Variants in TNFRSF8 observed in about 807,000 individuals in gnomAD.
TNFRSF8 encodes TNF receptor superfamily member 8, also known as tumor necrosis factor receptor superfamily member 8.
A neutral mutation model predicts 70.8 loss-of-function variants in TNFRSF8; 26 were observed. The ratio of observed to expected loss-of-function variants is 0.37; its 90% confidence interval spans 0.27 to 0.51. The LOEUF (loss-of-function observed/expected upper bound fraction) is 0.51, where lower values mean the gene tolerates loss of function less well. Among genes scored for constraint, TNFRSF8 ranks in the 20% least tolerant of loss-of-function variants. The probability of loss-of-function intolerance (pLI) is 0.94; values close to 1 mark genes in which losing one functional copy is unlikely to be tolerated. For synonymous variants in TNFRSF8, 356 were observed against 339.2 expected (o/e 1.05, Z -0.54); for missense variants, 720 against 807.9 (o/e 0.89, Z 1.32).
At chr1:12,126,878 C>T (rs1283812696) in intron 12 of TNFRSF8, among the ~76,000 whole-genome samples, 3 of 152,216 alleles carry the variant, frequency 2.0e-5, no homozygotes, top group Admixed American at 6.5e-5. Context: ...TGCCTGCAAT[C>T]GGTGGCTGCT....
intron 14 of TNFRSF8, among the ~76,000 whole-genome samples, chr1:12,139,628 T>C (rs1642217904): frequency 6.6e-6 from 1 of 152,228 alleles, no homozygotes; most frequent in Non-Finnish European, 1.5e-5. Flanking sequence ...CTCTGTCGCT[T>C]CTGGAAGGGT....
At chr1:12,100,560 T>C (rs1224310499) in intron 3 of TNFRSF8, among the ~76,000 whole-genome samples, 1 of 152,100 alleles carries the variant, frequency 6.6e-6, no homozygotes, top group Non-Finnish European at 1.5e-5. Flanking sequence ...ATTATTTTAT[T>C]ATTTTTAACA....
chr1:12,065,167 C>A (rs140067546), intron 1 of TNFRSF8, among the ~76,000 whole-genome samples: 1,792 of 148,126 alleles, frequency 0.012, 33 homozygotes, highest in African/African-American at 0.043. Flanking sequence ...ACTGCAACCT[C>A]TGCCTCCCGG....
intron 2 of TNFRSF8, among the ~76,000 whole-genome samples, chr1:12,093,607 G>A (rs943498169): frequency 6.6e-6 from 1 of 151,902 alleles, no homozygotes; most frequent in African/African-American, 2.4e-5. Flanking sequence ...GTGGCGCTAT[G>A]CCCGCTCACT....
chr1:12,123,572 C>A, intron 9 of TNFRSF8, 143 bp from the exon 10 acceptor site: 3 of 923,270 alleles, frequency 3.2e-6, no homozygotes, highest in Non-Finnish European at 4.9e-6. Context: ...TCCCTGCCCT[C>A]AAAATGCCTG....
chr1:12,081,533 G>A, intron 1 of TNFRSF8, among the ~76,000 whole-genome samples: 1 of 151,972 alleles, frequency 6.6e-6, no homozygotes, highest in East Asian at 1.9e-4. Flanking sequence ...GGAGGAGGGT[G>A]TCCTCAAGGC....
At chr1:12,080,363 A>G (rs574535787) in intron 1 of TNFRSF8, 4 of 524,486 alleles carry the variant, frequency 7.6e-6, no homozygotes, top group African/African-American at 3.8e-5. Context: ...GGCCACATCC[A>G]TGCCATAGAG....
intron 12 of TNFRSF8, among the ~76,000 whole-genome samples, chr1:12,130,336 G>A (rs1169228320): frequency 1.3e-5 from 2 of 152,216 alleles, no homozygotes; most frequent in African/African-American, 2.4e-5. Context: ...CCCAGATGAG[G>A]TCAGGGAGAG....
rs1047227178 is a variant in TNFRSF8, at chr1:12,142,169, C to T, written c.1544-118C>T. 2 of 1,385,996 alleles carry T rather than the reference C, an allele frequency of 1.4e-6. No homozygotes were observed. Among genetic ancestry groups the T allele is most frequent in the Middle Eastern group, 1.9e-4 (1 of 5,360 alleles). The allele number at this position is 1,385,996 out of a possible 1,614,324, so 85.9% of individuals were successfully genotyped here. A position where few individuals can be genotyped will look rare whatever the true frequency, so the allele number is the denominator to read the frequency against. On this transcript the variant is annotated intron_variant, in intron 14 of 14. Transcript: ENST00000263932. This position sits in a 1 kb window ranked among gnomAD's most constrained non-coding sequence, Gnocchi z 5.0. The stretch of plus-strand genomic sequence containing the variant: ...AGGTACATCAGAGAGGCTGTGCCAT[C>T]AGCCTGAAGCCACCCGGCAGGTGTA...
Position 12,133,644 on chromosome 1 carries a change from G to T in TNFRSF8, c.1310-1944G>T, listed in dbSNP as rs374928899. Among the ~76,000 whole-genome samples, 13 of 151,278 alleles carry T rather than the reference G, an allele frequency of 8.6e-5. 2 individuals are homozygous for T. The highest frequency in any genetic ancestry group is 6.6e-5 in the Admixed American group (1 of 15,198). ...AATCCCAGCTACTCGGGAGGCTGAGGCAGGAGAATCGCTTGAACCCAGGAG... is the reference window on the plus strand; with the variant it reads ...AATCCCAGCTACTCGGGAGGCTGAGTCAGGAGAATCGCTTGAACCCAGGAG... On this transcript the variant is annotated intron_variant, in intron 12 of 14. Transcript: ENST00000263932.
intron 2 of TNFRSF8, among the ~76,000 whole-genome samples, chr1:12,089,944 A>G (rs1641218518): frequency 6.7e-6 from 1 of 150,360 alleles, no homozygotes; most frequent in East Asian, 2.0e-4. Flanking sequence ...CCATCCATCC[A>G]TCTACCCATC....
Position 12,142,824 on chromosome 1 carries a change from T to G in TNFRSF8, c.*293T>G. The stretch of plus-strand genomic sequence containing the variant: ...TTGAGGCAGCAAACAGATGGCAGGA[T>G]GGGCACTGCCGAGAACAGCATTGGT... On this transcript the variant is annotated 3_prime_UTR_variant, in exon 15 of 15. Transcript: ENST00000263932. The surrounding 1 kb of genome is among the most constrained non-coding windows in gnomAD (Gnocchi z 5.0). The G allele has an allele frequency of 2.6e-6, 1 of 389,584 alleles. No homozygotes were observed. The highest frequency in any genetic ancestry group is 4.0e-5 in the South Asian group (1 of 25,110). 24.1% of individuals were successfully genotyped at this position (389,584 alleles called of 1,614,324 possible). A position where few individuals can be genotyped will look rare whatever the true frequency, so the allele number is the denominator to read the frequency against.
rs550484543 is a variant in TNFRSF8 at position 12,120,896 on chromosome 1, A to G, written c.947-2388A>G. Reference sequence around the variant, plus strand: ...GGATGAGAGGCACCCAAGGGATACTAGGTTCCCCCCTTCTGCACATACAGG... The same window carrying G: ...GGATGAGAGGCACCCAAGGGATACTGGGTTCCCCCCTTCTGCACATACAGG... On this transcript the variant is annotated intron_variant, in intron 8 of 14. Coordinates refer to ENST00000263932, the MANE Select transcript of TNFRSF8 (RefSeq NM_001243.5). Among the ~76,000 whole-genome samples the G allele has an allele frequency of 1.8e-4, 27 of 152,344 alleles. No homozygotes were observed. The East Asian group carries it at 4.8e-3, about 27-fold the overall frequency.
rs773227558 is a variant in TNFRSF8, at chr1:12,141,411, C to CCA, written c.1544-872_1544-871dup. ...CCCCCATGTCCCCTCTATCAGAAGG[C>CCA]CACACCAGAAGCCCCCACATCAGAC... On this transcript the variant is annotated intron_variant, in intron 14 of 14. Transcript: ENST00000263932. This position sits in a 1 kb window ranked among gnomAD's most constrained non-coding sequence, Gnocchi z 5.4. Among the ~76,000 whole-genome samples, 3 of 152,242 alleles carry CCA rather than the reference C, an allele frequency of 2.0e-5. No homozygotes were observed. Among genetic ancestry groups the CCA allele is most frequent in the Non-Finnish European group, 4.4e-5 (3 of 68,044 alleles).
chr1:12,079,105 C>A (rs563935051), intron 1 of TNFRSF8, among the ~76,000 whole-genome samples: 1 of 152,178 alleles, frequency 6.6e-6, no homozygotes, highest in African/African-American at 2.4e-5. Flanking sequence ...TCTAACTCCC[C>A]GCTCACCCCA....
Position 12,138,868 on chromosome 1 carries a change from C to T in TNFRSF8, c.1543+432C>T, listed in dbSNP as rs542250855. Reference sequence around the variant, plus strand: ...CTCCCCATTTTACAGTTGGGGAGACCGTGGCTCAGAGGGTGAAGTGATTTT... The same window carrying T: ...CTCCCCATTTTACAGTTGGGGAGACTGTGGCTCAGAGGGTGAAGTGATTTT... On this transcript the variant is annotated intron_variant, in intron 14 of 14. Transcript: ENST00000263932. The surrounding 1 kb of genome is among the most constrained non-coding windows in gnomAD (Gnocchi z 5.7). 1.3e-5 allele frequency among the ~76,000 whole-genome samples: 2 copies of T among 152,278 alleles called. No individual in the cohort carries two copies. Among genetic ancestry groups the T allele is most frequent in the South Asian group, 2.1e-4 (1 of 4,828 alleles).
At chr1:12,102,195 A>G (rs1024916680) in intron 3 of TNFRSF8, among the ~76,000 whole-genome samples, 15 of 151,760 alleles carry the variant, frequency 9.9e-5, no homozygotes, top group Non-Finnish European at 1.5e-4. Context: ...ATCATATCTC[A>G]TGATGCCGGT....
chr1:12,102,425 A>G (rs1641441134), intron 3 of TNFRSF8, among the ~76,000 whole-genome samples: 2 of 151,790 alleles, frequency 1.3e-5, no homozygotes, highest in Admixed American at 1.3e-4. Flanking sequence ...TGCCTTCCGT[A>G]TTTCGGGGAG....
In TNFRSF8 at chr1:12,107,647, C is replaced by T. The variant is rs183186049; in HGVS notation, c.422-1919C>T. 6.6e-5 allele frequency among the ~76,000 whole-genome samples: 10 copies of T among 152,196 alleles called. No individual in the cohort carries two copies. The East Asian group carries it at 1.5e-3, about 24-fold the overall frequency. On this transcript the variant is annotated intron_variant, in intron 4 of 14. Coordinates refer to ENST00000263932, the MANE Select transcript of TNFRSF8 (RefSeq NM_001243.5). ...AATATTTGAGCTGGCCTGTGTGACT[C>T]GCATATCTCTGTTGGACAGCACTGT... is the stretch of plus-strand genomic sequence containing the variant.
Sources: gnomAD v4.1 joint callset for allele counts (sites outside exome capture counted in the v4.1 genomes callset) on GRCh38, gnomAD v4.1.1 for gene constraint, Gnocchi (gnomAD v3.1) non-coding constraint, MANE v1.5 for transcripts, NCBI Gene and HGNC (gene_info 2026-07-23, HGNC 2026-07-21) for gene names.